ARHGAP10: variants seen among roughly 807,000 people sequenced by gnomAD.
ARHGAP10 encodes Rho GTPase activating protein 10.
A neutral mutation model predicts 108.6 loss-of-function variants in ARHGAP10; 87 were observed. That is an observed-to-expected ratio of 0.80 (90% CI 0.67 to 0.96). ARHGAP10 has a LOEUF of 0.96. Among genes scored for constraint, ARHGAP10 ranks in the 40% least tolerant of loss-of-function variants. The pLI, the probability that ARHGAP10 is intolerant of heterozygous loss-of-function variation, is 0.00. For missense variants in ARHGAP10, 939 were observed against 954.5 expected (o/e 0.98, Z 0.21); for synonymous variants, 347 against 341.1 (o/e 1.02, Z -0.19).
chr4:148,057,340 T>TG (rs1341982130), intron 20 of ARHGAP10, among the ~76,000 whole-genome samples: 1 of 152,186 alleles, frequency 6.6e-6, no homozygotes, highest in Non-Finnish European at 1.5e-5. Flanking sequence ...TCCCGGTACT[T>TG]GCATCTCTCA....
At chr4:148,008,670 G>A (rs1741046338) in intron 18 of ARHGAP10, among the ~76,000 whole-genome samples, 1 of 152,040 alleles carries the variant, frequency 6.6e-6, no homozygotes, top group African/African-American at 2.4e-5. Flanking sequence ...TTTTAATCTT[G>A]TTAATCAGAC....
Position 147,781,115 on chromosome 4 carries a change from T to G in ARHGAP10, c.155-41612T>G, listed in dbSNP as rs183202709. On this transcript the variant is annotated intron_variant, in intron 1 of 22. Transcript: ENST00000336498. The stretch of plus-strand genomic sequence containing the variant: ...GATTCACGCCTGTAATACCAGCATT[T>G]CGGGAGGCTGAGGCGGGCGGATCAC... Among the ~76,000 whole-genome samples, 710 of 152,152 alleles carry G rather than the reference T, an allele frequency of 4.7e-3. 6 individuals are homozygous for G. Among genetic ancestry groups the G allele is most frequent in the African/African-American group, 0.016 (672 of 41,506 alleles).
chr4:147,853,743 T>C (rs1447289581), intron 4 of ARHGAP10, among the ~76,000 whole-genome samples: 1 of 152,104 alleles, frequency 6.6e-6, no homozygotes, highest in Non-Finnish European at 1.5e-5. Context: ...TATTATGATT[T>C]TTTTTTTATA....
chr4:147,879,187 G>T (rs747449908), intron 8 of ARHGAP10, 45 bp from the exon 9 acceptor site: 22 of 1,530,230 alleles, frequency 1.4e-5, no homozygotes, highest in Non-Finnish European at 2.0e-5. Flanking sequence ...CTGCAAATCT[G>T]CTTATTTATG....
intron 19 of ARHGAP10, among the ~76,000 whole-genome samples, chr4:148,040,243 C>T (rs1223677558): frequency 6.6e-6 from 1 of 152,244 alleles, no homozygotes; most frequent in Non-Finnish European, 1.5e-5. Context: ...TGGAGGGCTT[C>T]TCCCAGTCCC....
intron 19 of ARHGAP10, among the ~76,000 whole-genome samples, chr4:148,026,598 T>C (rs1330948312): frequency 6.6e-6 from 1 of 152,258 alleles, no homozygotes; most frequent in African/African-American, 2.4e-5. Flanking sequence ...AGTTACTTGC[T>C]TAAGCTTCTT....
chr4:147,744,233 G>A (rs1728810050), intron 1 of ARHGAP10, among the ~76,000 whole-genome samples: 1 of 152,202 alleles, frequency 6.6e-6, no homozygotes, highest in African/African-American at 2.4e-5. Flanking sequence ...AGGGATCAGA[G>A]CTTTCCCTGC....
intron 20 of ARHGAP10, among the ~76,000 whole-genome samples, chr4:148,048,865 C>T (rs1398379356): frequency 6.6e-6 from 1 of 151,726 alleles, no homozygotes; most frequent in African/African-American, 2.4e-5. Flanking sequence ...GCTTCCTATT[C>T]ATACGCATTT....
At chr4:147,919,535 A>G (rs1161516016) in intron 13 of ARHGAP10, among the ~76,000 whole-genome samples, 5 of 151,910 alleles carry the variant, frequency 3.3e-5, no homozygotes, top group Non-Finnish European at 7.4e-5. Flanking sequence ...ACTTTGCTGC[A>G]CATTGAAATT....
At chr4:147,969,758 A>C (rs541784529) in intron 18 of ARHGAP10, among the ~76,000 whole-genome samples, 1 of 152,206 alleles carries the variant, frequency 6.6e-6, no homozygotes, top group Non-Finnish European at 1.5e-5. Flanking sequence ...GCCTGTTACA[A>C]TAGTTACAGC....
At chr4:147,923,072 A>T (rs994496828) in intron 13 of ARHGAP10, among the ~76,000 whole-genome samples, 6 of 152,332 alleles carry the variant, frequency 3.9e-5, no homozygotes, top group Admixed American at 2.0e-4. Flanking sequence ...TATTGGTAAT[A>T]TTGTGTGTCT....
rs188789048 is a variant in ARHGAP10 at position 147,785,776 on chromosome 4, A to G, written c.155-36951A>G. On this transcript the variant is annotated intron_variant, in intron 1 of 22. Coordinates refer to ENST00000336498, the MANE Select transcript of ARHGAP10 (RefSeq NM_024605.4). The stretch of plus-strand genomic sequence containing the variant: ...GGATTTTCAGCAATTATTTCATATA[A>G]GGAAGATTGTACTCTGAGATTTTAA... Among the ~76,000 whole-genome samples, 5 of 152,298 alleles carry G rather than the reference A, an allele frequency of 3.3e-5. No individual in the cohort carries two copies. The East Asian group carries it at 9.6e-4, about 29-fold the overall frequency.
intron 1 of ARHGAP10, among the ~76,000 whole-genome samples, chr4:147,740,923 A>T (rs1456783346): frequency 6.6e-6 from 1 of 152,006 alleles, no homozygotes; most frequent in East Asian, 1.9e-4. Flanking sequence ...TCTGGTGTTT[A>T]TTGTTCCTAG....
intron 1 of ARHGAP10, among the ~76,000 whole-genome samples, chr4:147,794,681 GATTGTTC>G (rs1468892347): frequency 1.3e-5 from 2 of 152,192 alleles, no homozygotes; most frequent in Non-Finnish European, 2.9e-5. Context: ...TGTAGTTTGG[GATTGTTC>G]ATTCCCATTG....
At chr4:147,877,015 G>A (rs938164275) in intron 8 of ARHGAP10, among the ~76,000 whole-genome samples, 1 of 152,188 alleles carries the variant, frequency 6.6e-6, no homozygotes, top group African/African-American at 2.4e-5. Context: ...TTGAACAGGC[G>A]TGAAAGAGCA....
intron 16 of ARHGAP10, among the ~76,000 whole-genome samples, chr4:147,963,630 T>C (rs1739088415): frequency 6.6e-6 from 1 of 152,200 alleles, no homozygotes; most frequent in African/African-American, 2.4e-5. Context: ...TCCAGGGCTG[T>C]TGGAACAAAG....
intron 3 of ARHGAP10, among the ~76,000 whole-genome samples, chr4:147,844,726 C>G (rs575123637): frequency 1.6e-4 from 25 of 152,210 alleles, no homozygotes; most frequent in Non-Finnish European, 3.2e-4. Context: ...AAATATCTCT[C>G]AAATCTGTCT....
At chr4:147,934,882 A>G (rs567463619) in intron 13 of ARHGAP10, among the ~76,000 whole-genome samples, 36 of 152,330 alleles carry the variant, frequency 2.4e-4, no homozygotes, top group African/African-American at 8.2e-4. Context: ...AAAGGAATCA[A>G]TTATGAGTTA....
intron 16 of ARHGAP10, among the ~76,000 whole-genome samples, chr4:147,960,494 C>T (rs1376524382): frequency 2.6e-5 from 4 of 151,964 alleles, no homozygotes; most frequent in Non-Finnish European, 4.4e-5. Context: ...ATCTGTGATA[C>T]ATTAAATAAA....
Sources: gnomAD v4.1 joint callset for allele counts (sites outside exome capture counted in the v4.1 genomes callset) on GRCh38, gnomAD v4.1.1 for gene constraint, MANE v1.5 for transcripts, NCBI Gene and HGNC (gene_info 2026-07-23, HGNC 2026-07-21) for gene names.